The following NAALADL2 variants were observed in gnomAD, a reference collection of about 807,000 sequenced individuals.
The protein encoded by NAALADL2 is N-acetylated alpha-linked acidic dipeptidase like 2.
Under a neutral mutation model 87.2 loss-of-function variants are expected in NAALADL2, and 76 were observed. That is an observed-to-expected ratio of 0.87 (90% CI 0.72 to 1.05). NAALADL2 has a LOEUF of 1.05. NAALADL2 is among the 50% of genes least tolerant of loss of function. NAALADL2 has a pLI of 0.00. For missense variants in NAALADL2, 1,089 were observed against 945.8 expected (o/e 1.15, Z -1.99); for synonymous variants, 354 against 331.0 (o/e 1.07, Z -0.75).
At chr3:175,653,884 T>C (rs1035603762) in intron 11 of NAALADL2, among the ~76,000 whole-genome samples, 6 of 152,198 alleles carry the variant, frequency 3.9e-5, no homozygotes, top group African/African-American at 2.4e-5. Context: ...TCAACAACTT[T>C]GGTGTTGAAC....
chr3:175,388,293 A>G lies in NAALADL2; in HGVS notation c.1091-58936A>G, dbSNP rs369547297. Among the ~76,000 whole-genome samples the G allele has an allele frequency of 1.3e-4, 20 of 152,248 alleles. No homozygotes were observed. In the East Asian group the frequency reaches 3.7e-3, roughly 28 times the overall value. ...TGGATGTATACATTTTTCAATATACATGATTTTCTATCTAAAAACTTATAT... is the reference window on the plus strand; with the variant it reads ...TGGATGTATACATTTTTCAATATACGTGATTTTCTATCTAAAAACTTATAT... On this transcript the variant is annotated intron_variant, in intron 5 of 13. Coordinates refer to ENST00000454872, the MANE Select transcript of NAALADL2 (RefSeq NM_207015.3).
At chr3:175,787,702 G>A (rs562249830) in intron 13 of NAALADL2, among the ~76,000 whole-genome samples, 13 of 152,218 alleles carry the variant, frequency 8.5e-5, no homozygotes, top group South Asian at 4.1e-4. Flanking sequence ...GCTGTAGACC[G>A]GAGCTGTTCC....
At chr3:175,063,866 C>T (rs1714032747) in intron 1 of NAALADL2, among the ~76,000 whole-genome samples, 2 of 152,132 alleles carry the variant, frequency 1.3e-5, no homozygotes, top group African/African-American at 4.8e-5. Flanking sequence ...TAGGCAACTA[C>T]ATCCGTATTT....
At chr3:174,665,889 T>A (rs505308) in intron 2 of NAALADL2, among the ~76,000 whole-genome samples, 1 of 151,960 alleles carries the variant, frequency 6.6e-6, no homozygotes, top group Non-Finnish European at 1.5e-5. Context: ...ATATGCATTA[T>A]CCTATTCTCT....
chr3:175,743,835 A>G (rs1745575239), intron 12 of NAALADL2, among the ~76,000 whole-genome samples: 1 of 152,246 alleles, frequency 6.6e-6, no homozygotes, highest in Admixed American at 6.5e-5. Context: ...TATGACCATG[A>G]GAGTGTGGCA....
intron 3 of NAALADL2, among the ~76,000 whole-genome samples, chr3:175,254,937 T>C (rs1749669237): frequency 6.6e-6 from 1 of 152,214 alleles, no homozygotes; most frequent in East Asian, 1.9e-4. Flanking sequence ...TTTAGAGATA[T>C]TGTATGAGCT....
chr3:175,729,903 G>A (rs1743442636), intron 11 of NAALADL2, among the ~76,000 whole-genome samples: 2 of 150,586 alleles, frequency 1.3e-5, no homozygotes, highest in African/African-American at 2.4e-5. Context: ...AAATTTAACT[G>A]AGGACATTTA....
intron 4 of NAALADL2, among the ~76,000 whole-genome samples, chr3:175,257,876 T>C (rs1239668335): frequency 6.6e-6 from 1 of 152,174 alleles, no homozygotes; most frequent in Non-Finnish European, 1.5e-5. Flanking sequence ...GATAATTTTC[T>C]AAGCCTTTAA....
At chr3:175,417,311 A>G (rs746580684) in intron 5 of NAALADL2, among the ~76,000 whole-genome samples, 1 of 151,954 alleles carries the variant, frequency 6.6e-6, no homozygotes, top group Non-Finnish European at 1.5e-5. Flanking sequence ...GGACATAATT[A>G]GCACATTAAT....
intron 1 of NAALADL2, among the ~76,000 whole-genome samples, chr3:174,875,330 G>A (rs942626186): frequency 6.6e-6 from 1 of 151,966 alleles, no homozygotes; most frequent in African/African-American, 2.4e-5. Flanking sequence ...AGTGAAAAGA[G>A]TAGACTTTGG....
intron 11 of NAALADL2, among the ~76,000 whole-genome samples, chr3:175,670,244 G>A (rs1310923005): frequency 6.6e-6 from 1 of 151,404 alleles, no homozygotes; most frequent in African/African-American, 2.4e-5. Flanking sequence ...AGCTAACCCT[G>A]GGACAATCAG....
chr3:174,804,832 G>C (rs1719271974), intron 3 of NAALADL2, among the ~76,000 whole-genome samples: 1 of 152,072 alleles, frequency 6.6e-6, no homozygotes, highest in Non-Finnish European at 1.5e-5. Flanking sequence ...TTAATACTAA[G>C]AGTAATTTGT....
chr3:175,718,818 C>T (rs1239125307), intron 11 of NAALADL2: 5 of 551,954 alleles, frequency 9.1e-6, no homozygotes, highest in Non-Finnish European at 3.0e-6. Context: ...GCACTCCAGC[C>T]TGGGCAACAG....
chr3:175,189,980 G>A (rs1027038567), intron 2 of NAALADL2, among the ~76,000 whole-genome samples: 4 of 152,092 alleles, frequency 2.6e-5, no homozygotes, highest in Admixed American at 6.5e-5. Context: ...ATGCACAGTG[G>A]AGAAAGGACA....
chr3:175,059,036 G>A (rs1328100960), intron 1 of NAALADL2, among the ~76,000 whole-genome samples: 3 of 152,136 alleles, frequency 2.0e-5, no homozygotes, highest in Non-Finnish European at 2.9e-5. Context: ...GTTTCTTCTG[G>A]TGGTGTATTG....
chr3:174,588,516 C>A (rs558042220), intron 2 of NAALADL2, among the ~76,000 whole-genome samples: 1 of 152,144 alleles, frequency 6.6e-6, no homozygotes, highest in South Asian at 2.1e-4. Flanking sequence ...TTTTATCTAC[C>A]TTTGGTCTTT....
At chr3:174,623,798 T>A (rs1257947052) in intron 2 of NAALADL2, among the ~76,000 whole-genome samples, 10 of 152,078 alleles carry the variant, frequency 6.6e-5, no homozygotes, top group African/African-American at 2.4e-4. Context: ...AGAAACCACA[T>A]AGATTCAGAA....
chr3:175,595,743 C>T (rs1722165862), intron 10 of NAALADL2, among the ~76,000 whole-genome samples: 1 of 151,848 alleles, frequency 6.6e-6, no homozygotes, highest in Non-Finnish European at 1.5e-5. Flanking sequence ...TCAGAGACTA[C>T]AGAAATGAAT....
At chr3:175,045,057 A>G (rs1754510176) in intron 1 of NAALADL2, among the ~76,000 whole-genome samples, 1 of 152,142 alleles carries the variant, frequency 6.6e-6, no homozygotes, top group South Asian at 2.1e-4. Context: ...AACCCTGAAG[A>G]CACTGTTTTC....
Sources: allele counts gnomAD v4.1 joint callset (sites outside exome capture counted in the v4.1 genomes callset), GRCh38; gene constraint gnomAD v4.1.1; transcripts MANE v1.5; gene names NCBI Gene and HGNC (gene_info 2026-07-23, HGNC 2026-07-21).